MAN2A1: variants seen among roughly 807,000 people sequenced by gnomAD.
The protein encoded by MAN2A1 is mannosidase alpha class 2A member 1, also known as alpha-mannosidase 2.
A neutral mutation model predicts 142.6 loss-of-function variants in MAN2A1; 76 were observed. The ratio of observed to expected loss-of-function variants is 0.53; its 90% CI spans 0.44 to 0.65. The LOEUF (loss-of-function observed/expected upper bound fraction) is 0.65. MAN2A1 is among the 30% of genes least tolerant of loss of function. The pLI, the probability that MAN2A1 is intolerant of heterozygous loss-of-function variation, is 0.00. For missense variants in MAN2A1, 1,311 were observed against 1,365.1 expected, an observed-to-expected ratio of 0.96 and a Z score of 0.62; for synonymous variants, 559 against 473.2, an observed-to-expected ratio of 1.18 and a Z score of -2.35.
intron 5 of MAN2A1, 70 bp from the exon 6 acceptor site, chr5:109,767,465 A>T: frequency 7.8e-7 from 1 of 1,275,626 alleles, no homozygotes. Flanking sequence ...AATGAGTCTG[A>T]ATGTGTTGTG....
At chr5:109,761,742 A>G (rs775001797) in intron 5 of MAN2A1, among the ~76,000 whole-genome samples, 6 of 152,068 alleles carry the variant, frequency 3.9e-5, no homozygotes, top group Non-Finnish European at 7.4e-5. Context: ...TATGTACATT[A>G]GAAATAATTT....
At chr5:109,717,107 G>C (rs1292941355) in intron 3 of MAN2A1, among the ~76,000 whole-genome samples, 5 of 151,692 alleles carry the variant, frequency 3.3e-5, no homozygotes, top group African/African-American at 9.7e-5. Flanking sequence ...TATTTCCAAA[G>C]ACTTATTTTG....
At chr5:109,738,030 G>T (rs998673282) in intron 4 of MAN2A1, among the ~76,000 whole-genome samples, 7 of 152,202 alleles carry the variant, frequency 4.6e-5, no homozygotes, top group Middle Eastern at 6.8e-3. Flanking sequence ...ATACAGCTTT[G>T]TTCAGCTGCG....
At chr5:109,855,882 GAATA>G (rs1209924360) in intron 20 of MAN2A1, among the ~76,000 whole-genome samples, 1 of 152,176 alleles carries the variant, frequency 6.6e-6, no homozygotes, top group Non-Finnish European at 1.5e-5. Flanking sequence ...CATTTGGAAA[GAATA>G]AGAATTAGAC....
chr5:109,770,287 C>A, intron 6 of MAN2A1, 68 bp from the exon 7 acceptor site: 1 of 1,407,080 alleles, frequency 7.1e-7, no homozygotes, highest in Non-Finnish European at 9.9e-7. Flanking sequence ...AAAGTAATGA[C>A]ATTTTGAATA....
intron 10 of MAN2A1, among the ~76,000 whole-genome samples, chr5:109,787,175 G>A (rs1258815279): frequency 3.3e-5 from 5 of 151,964 alleles, no homozygotes; most frequent in African/African-American, 1.2e-4. Flanking sequence ...ATGGTAATGA[G>A]GTCATTTAGA....
At chr5:109,693,585 T>C (rs1327117254) in intron 1 of MAN2A1, among the ~76,000 whole-genome samples, 2 of 152,092 alleles carry the variant, frequency 1.3e-5, no homozygotes, top group Admixed American at 1.3e-4. Context: ...TTTGTTGTTT[T>C]TTTGGAGAGC....
rs1215940917 is a variant in MAN2A1, at chr5:109,690,357, C to CCA, written c.-58_-57dup. 3 of 1,595,418 alleles carry CCA rather than the reference C, an allele frequency of 1.9e-6. No individual in the cohort carries two copies. The highest frequency in any genetic ancestry group is 2.6e-6 in the Non-Finnish European group (3 of 1,163,486). ...GCCTCCGGCGGCTGCTTCCTAGAGT[C>CCA]CACAGTGCGCTGTCTCCTTTGGCTG... On this transcript the variant is annotated 5_prime_UTR_variant, in exon 1 of 22. Transcript: ENST00000261483.
chr5:109,792,237 A>G (rs1054885599), intron 12 of MAN2A1, among the ~76,000 whole-genome samples: 1 of 152,078 alleles, frequency 6.6e-6, no homozygotes, highest in Non-Finnish European at 1.5e-5. Flanking sequence ...CTTTTTAGTT[A>G]TCTAGGTTCT....
At chr5:109,727,113 A>G (rs1413057100) in intron 3 of MAN2A1, among the ~76,000 whole-genome samples, 1 of 152,204 alleles carries the variant, frequency 6.6e-6, no homozygotes, top group Non-Finnish European at 1.5e-5. Flanking sequence ...CCCACATTGC[A>G]ATCTTTATTT....
intron 4 of MAN2A1, among the ~76,000 whole-genome samples, chr5:109,748,134 A>G (rs752684648): frequency 8.5e-5 from 13 of 152,140 alleles, no homozygotes; most frequent in East Asian, 1.9e-4. Flanking sequence ...TTAAAATACA[A>G]TATTTTCTGA....
At chr5:109,691,215 C>T (rs944711389) in intron 1 of MAN2A1, among the ~76,000 whole-genome samples, 1 of 152,140 alleles carries the variant, frequency 6.6e-6, no homozygotes, top group Admixed American at 6.5e-5. Flanking sequence ...GCGCTCAGTC[C>T]TGCGTCCAGT....
chr5:109,869,113 A>G lies in MAN2A1; in HGVS notation c.*2115A>G, dbSNP rs1156697258. The G allele has an allele frequency of 6.6e-6, 1 of 152,204 alleles. No homozygotes were observed. Among genetic ancestry groups the G allele is most frequent in the Non-Finnish European group, 1.5e-5 (1 of 68,032 alleles). The allele number at this position is 152,204 out of a possible 1,614,324, so 9.4% of individuals were successfully genotyped here. A position where few individuals can be genotyped will look rare whatever the true frequency, so the allele number is the denominator to read the frequency against. On this transcript the variant is annotated 3_prime_UTR_variant, in exon 22 of 22. Coordinates refer to ENST00000261483, the MANE Select transcript of MAN2A1 (RefSeq NM_002372.4). ...TCTGCTTTTTAAGGTTACTTTTAGAATAAATCATCAGGGAAACAGAGAGGA... is the reference window on the plus strand; with the variant it reads ...TCTGCTTTTTAAGGTTACTTTTAGAGTAAATCATCAGGGAAACAGAGAGGA...
At chr5:109,768,078 C>T (rs1446588892) in intron 6 of MAN2A1, among the ~76,000 whole-genome samples, 1 of 152,160 alleles carries the variant, frequency 6.6e-6, no homozygotes, top group African/African-American at 2.4e-5. Flanking sequence ...GTGTTCCTTC[C>T]TTCTGTCTCT....
intron 16 of MAN2A1, among the ~76,000 whole-genome samples, chr5:109,829,404 C>T (rs1322306217): frequency 6.6e-6 from 1 of 152,118 alleles, no homozygotes; most frequent in Non-Finnish European, 1.5e-5. Flanking sequence ...TCTGCTAAGG[C>T]TTTGGCTAAT....
chr5:109,783,627 C>G (rs904818398), intron 9 of MAN2A1, among the ~76,000 whole-genome samples: 5 of 152,076 alleles, frequency 3.3e-5, no homozygotes, highest in Non-Finnish European at 7.4e-5. Flanking sequence ...CTCCTCTTTT[C>G]TGAATCTTGA....
At chr5:109,733,978 A>G (rs1752004822) in intron 4 of MAN2A1, among the ~76,000 whole-genome samples, 1 of 152,142 alleles carries the variant, frequency 6.6e-6, no homozygotes, top group Admixed American at 6.5e-5. Context: ...TTCGGCTGTG[A>G]ATCCATCTGG....
chr5:109,798,639 A>G (rs1753927775), intron 12 of MAN2A1, among the ~76,000 whole-genome samples: 1 of 152,124 alleles, frequency 6.6e-6, no homozygotes, highest in African/African-American at 2.4e-5. Context: ...ATCCAAACAC[A>G]TGCTAGACCT....
At chr5:109,777,633 T>A (rs1753331661) in intron 8 of MAN2A1, among the ~76,000 whole-genome samples, 1 of 152,128 alleles carries the variant, frequency 6.6e-6, no homozygotes, top group African/African-American at 2.4e-5. Context: ...TTTTTGTTTA[T>A]CATTTGGTTC....
Sources: allele counts gnomAD v4.1 joint callset (sites outside exome capture counted in the v4.1 genomes callset), GRCh38; gene constraint gnomAD v4.1.1; transcripts MANE v1.5; gene names NCBI Gene and HGNC (gene_info 2026-07-23, HGNC 2026-07-21).